MAF: variants seen among roughly 807,000 people sequenced by gnomAD.
The protein encoded by MAF is transcription factor Maf.
Under a neutral mutation model 22.0 loss-of-function variants are expected in MAF, and 10 were observed. The observed-to-expected ratio is 0.45, with a 90% CI of 0.28 to 0.77. MAF has a LOEUF of 0.77. Among genes scored for constraint, MAF ranks in the 30% least tolerant of loss-of-function variants. The pLI is 0.12. For synonymous variants in MAF, 337 were observed against 255.8 expected (o/e 1.32, Z -3.03); for missense variants, 544 against 548.4 (o/e 0.99, Z 0.08).
At chr16:79,235,939 G>C in the MAF span, among the ~76,000 whole-genome samples, 4 of 151,928 alleles carry the variant, frequency 2.6e-5, no homozygotes, top group Admixed American at 1.3e-4. Flanking sequence ...CCAGAATCCA[G>C]GGTGTCCTTC....
chr16:79,571,530 A>ATTTTTTTTTTTT, the MAF span, among the ~76,000 whole-genome samples: 48 of 103,878 alleles, frequency 4.6e-4, no homozygotes, highest in African/African-American at 1.7e-3. Context: ...TCTCAGCGGA[A>ATTTTTTTTTTTT]TTTTTTTTTT....
chr16:79,574,924 G>T, the MAF span, among the ~76,000 whole-genome samples: 1 of 152,092 alleles, frequency 6.6e-6, no homozygotes, highest in Non-Finnish European at 1.5e-5. Context: ...AAATTCACCA[G>T]CAGCTTCTTG....
At chr16:79,538,642 A>C in the MAF span, among the ~76,000 whole-genome samples, 1 of 152,138 alleles carries the variant, frequency 6.6e-6, no homozygotes. Flanking sequence ...GTTCCATTAT[A>C]TATTGCTGGG....
chr16:79,461,602 A>G, the MAF span, among the ~76,000 whole-genome samples: 569 of 152,314 alleles, frequency 3.7e-3, 3 homozygotes, highest in African/African-American at 0.013. Context: ...ATTCTGGGAA[A>G]TATCTCCTGG....
the MAF span, among the ~76,000 whole-genome samples, chr16:79,443,043 G>T: frequency 6.6e-6 from 1 of 152,228 alleles, no homozygotes; most frequent in Admixed American, 6.5e-5. Context: ...TAATGGGACT[G>T]ATTGGGGTCA....
the MAF span, among the ~76,000 whole-genome samples, chr16:79,537,535 A>C: frequency 6.6e-6 from 1 of 152,198 alleles, no homozygotes; most frequent in African/African-American, 2.4e-5. Flanking sequence ...ACTCATGCCT[A>C]TGTTCCTGAC....
chr16:79,541,664 T>TG, the MAF span, among the ~76,000 whole-genome samples: 2 of 138,864 alleles, frequency 1.4e-5, no homozygotes, highest in African/African-American at 2.9e-5. Flanking sequence ...TTTTTTTAGT[T>TG]TTTTTTTTTT....
chr16:79,529,130 C>A, the MAF span, among the ~76,000 whole-genome samples: 1 of 152,142 alleles, frequency 6.6e-6, no homozygotes, highest in African/African-American at 2.4e-5. Context: ...ACATCAGTGG[C>A]CTCCTGAAGC....
chr16:79,493,759 G>A, the MAF span, among the ~76,000 whole-genome samples: 1 of 152,336 alleles, frequency 6.6e-6, no homozygotes, highest in South Asian at 2.1e-4. Flanking sequence ...TGAGCATCAT[G>A]AAAACATTTT....
the MAF span, among the ~76,000 whole-genome samples, chr16:79,241,599 A>G: frequency 6.6e-6 from 1 of 152,114 alleles, no homozygotes; most frequent in Non-Finnish European, 1.5e-5. Flanking sequence ...GGAGAATGGA[A>G]CCAAGTTGGA....
chr16:79,237,805 T>C, the MAF span, among the ~76,000 whole-genome samples: 2 of 152,084 alleles, frequency 1.3e-5, no homozygotes, highest in African/African-American at 4.8e-5. Flanking sequence ...CTGCACCCTG[T>C]TGTGATAATC....
chr16:79,207,194 T>A, the MAF span, among the ~76,000 whole-genome samples: 1 of 152,240 alleles, frequency 6.6e-6, no homozygotes, highest in Non-Finnish European at 1.5e-5. Flanking sequence ...AGCTCTCTGA[T>A]AAATGATTCT....
the MAF span, among the ~76,000 whole-genome samples, chr16:79,480,142 C>T: frequency 2.0e-5 from 3 of 152,090 alleles, no homozygotes; most frequent in African/African-American, 7.2e-5. Context: ...GAGATACCAC[C>T]TCTCAGAACC....
chr16:79,359,011 A>G, the MAF span, among the ~76,000 whole-genome samples: 7 of 152,206 alleles, frequency 4.6e-5, no homozygotes, highest in South Asian at 2.1e-4. Context: ...CACAAAATGC[A>G]TATTTTTCAG....
chr16:79,396,666 A>G, the MAF span, among the ~76,000 whole-genome samples: 1 of 152,228 alleles, frequency 6.6e-6, no homozygotes, highest in South Asian at 2.1e-4. Context: ...GGGCAGAAGA[A>G]TGCGTAGAGA....
At chr16:79,502,011 T>C in the MAF span, among the ~76,000 whole-genome samples, 376 of 152,334 alleles carry the variant, frequency 2.5e-3, 2 homozygotes, top group Non-Finnish European at 4.2e-3. Context: ...TTCAACCATT[T>C]ATTTAAGGGT....
the MAF span, among the ~76,000 whole-genome samples, chr16:79,247,005 C>T: frequency 1.4e-4 from 22 of 152,228 alleles, no homozygotes; most frequent in Non-Finnish European, 2.2e-4. Context: ...AATCAATAAA[C>T]GAGAACATCA....
At chr16:79,535,901 A>G in the MAF span, among the ~76,000 whole-genome samples, 2 of 152,196 alleles carry the variant, frequency 1.3e-5, no homozygotes, top group Non-Finnish European at 2.9e-5. Context: ...CTTTAGAAGC[A>G]ATAGTTTAGC....
At chr16:79,533,107 C>T in the MAF span, among the ~76,000 whole-genome samples, 1 of 152,202 alleles carries the variant, frequency 6.6e-6, no homozygotes, top group East Asian at 1.9e-4. Flanking sequence ...TTATCTATGT[C>T]TTCACTGGCC....
Sources: gnomAD v4.1 joint callset for allele counts (sites outside exome capture counted in the v4.1 genomes callset) on GRCh38, gnomAD v4.1.1 for gene constraint, MANE v1.5 for transcripts, NCBI Gene and HGNC (gene_info 2026-07-23, HGNC 2026-07-21) for gene names.